Variants in CADPS observed in about 807,000 individuals in gnomAD.
The protein encoded by CADPS is calcium dependent secretion activator, also known as calcium-dependent secretion activator 1.
CADPS carries 57 observed loss-of-function variants against 167.3 expected under a neutral mutation model. The observed-to-expected ratio is 0.34, with a 90% CI of 0.28 to 0.42. CADPS has a LOEUF of 0.42. Ranked by LOEUF, CADPS falls within the 20% of genes least tolerant of loss-of-function variation. The pLI is 1.00. For synonymous variants in CADPS, 676 were observed against 635.3 expected (o/e 1.06, Z -0.96); for missense variants, 1,414 against 1,738.1 (o/e 0.81, Z 3.32).
chr3:62,616,702 G>C (rs1212359789), intron 6 of CADPS, among the ~76,000 whole-genome samples: 1 of 152,050 alleles, frequency 6.6e-6, no homozygotes, highest in Non-Finnish European at 1.5e-5. Context: ...TGTACATATA[G>C]CATATGGTAT....
intron 6 of CADPS, among the ~76,000 whole-genome samples, chr3:62,611,672 T>G (rs2061519516): frequency 6.6e-6 from 1 of 152,200 alleles, no homozygotes; most frequent in Non-Finnish European, 1.5e-5. Context: ...TACATCAATC[T>G]GTTATAGCTG....
At chr3:62,411,513 G>A (rs944954008) in intron 28 of CADPS, among the ~76,000 whole-genome samples, 2 of 152,104 alleles carry the variant, frequency 1.3e-5, no homozygotes, top group Non-Finnish European at 2.9e-5. Flanking sequence ...TTTTATGTTT[G>A]AAGCTTTCAA....
At chr3:62,757,866 A>G (rs1575949693) in intron 2 of CADPS, among the ~76,000 whole-genome samples, 1 of 152,346 alleles carries the variant, frequency 6.6e-6, no homozygotes. Context: ...AGCAGGCAAG[A>G]GAGCATGTGC....
chr3:62,535,617 T>G (rs1420412846), intron 12 of CADPS, among the ~76,000 whole-genome samples: 1 of 152,058 alleles, frequency 6.6e-6, no homozygotes, highest in Admixed American at 6.6e-5. Flanking sequence ...TTCATCATTT[T>G]CCCTCATCTT....
At position 62,438,341 on chromosome 3, in the gene CADPS, T is replaced by C; in HGVS notation, c.3670-130A>G. ...TTCTGCTGGATCAGCTTTGTAGGCA[T>C]GGGATTGCTGTCCACAGCCTGGGCT... On this transcript the variant is annotated intron_variant, in intron 27 of 29. Transcript: ENST00000383710. The surrounding 1 kb of genome is among the most constrained non-coding windows in gnomAD (Gnocchi z 4.7). The C allele has an allele frequency of 1.5e-6, 1 of 654,056 alleles. No individual in the cohort carries two copies. The highest frequency in any genetic ancestry group is 2.8e-5 in the East Asian group (1 of 35,748). The allele number at this position is 654,056 out of a possible 1,614,324, so 40.5% of individuals were successfully genotyped here.
intron 9 of CADPS, among the ~76,000 whole-genome samples, chr3:62,569,405 G>A (rs1410853575): frequency 1.3e-5 from 2 of 152,190 alleles, no homozygotes; most frequent in African/African-American, 2.4e-5. Flanking sequence ...CTGGGCAGCC[G>A]TGGGTTATTC....
In CADPS at chr3:62,399,527, G is replaced by A; in HGVS notation, c.3941C>T (p.Thr1314Ile). ...GAGACGGTTCCGGATCGTTTCATAG[G>A]TCTTGCTGTTTAAGGTGGAGTCCAG... ...GVLDSTLNSK[T>I]YETIRNRLTV... The change falls in exon 30 of 30, where the codon ACC (threonine) becomes ATC (isoleucine). Residue 1314 changes from threonine to isoleucine, a missense_variant. Around this residue, in one of 6 missense-constraint regions of CADPS, gnomAD observed 185 missense variants for 251.5 expected, o/e 0.74. Coordinates refer to ENST00000383710, the MANE Select transcript of CADPS (RefSeq NM_003716.4). This position sits in a 1 kb window ranked among gnomAD's most constrained non-coding sequence, Gnocchi z 5.6. 2.0e-5 allele frequency: 33 copies of A among 1,614,120 alleles called. No individual in the cohort carries two copies. Among genetic ancestry groups the A allele is most frequent in the Non-Finnish European group, 2.8e-5 (33 of 1,179,982 alleles).
At chr3:62,625,204 A>G (rs1214577402) in intron 6 of CADPS, 2 of 150,332 alleles carry the variant, frequency 1.3e-5, no homozygotes, top group South Asian at 2.1e-4. Context: ...AAGACTACAC[A>G]CATTAAAAAA....
At chr3:62,706,592 G>T (rs1384619121) in intron 3 of CADPS, among the ~76,000 whole-genome samples, 1 of 152,062 alleles carries the variant, frequency 6.6e-6, no homozygotes, top group East Asian at 1.9e-4. Context: ...AGGCCACAAG[G>T]GAGAGTCTGT....
At chr3:62,678,580 C>T (rs897435986) in intron 3 of CADPS, among the ~76,000 whole-genome samples, 16 of 152,138 alleles carry the variant, frequency 1.1e-4, no homozygotes, top group Admixed American at 9.8e-4. Context: ...AGAAGAACAT[C>T]TTAAGCCAGT....
At chr3:62,802,925 C>T (rs907886026) in intron 1 of CADPS, among the ~76,000 whole-genome samples, 1 of 152,110 alleles carries the variant, frequency 6.6e-6, no homozygotes, top group Non-Finnish European at 1.5e-5. Context: ...TCCAGCAATA[C>T]GTCCACACTG....
At chr3:62,859,995 A>G (rs899245381) in intron 1 of CADPS, among the ~76,000 whole-genome samples, 1 of 152,148 alleles carries the variant, frequency 6.6e-6, no homozygotes, top group Non-Finnish European at 1.5e-5. Flanking sequence ...ATCATTTTCA[A>G]AGGCTCCCCA....
At chr3:62,690,562 C>A (rs2078916114) in intron 3 of CADPS, among the ~76,000 whole-genome samples, 1 of 151,772 alleles carries the variant, frequency 6.6e-6, no homozygotes, top group South Asian at 2.1e-4. Flanking sequence ...AAAAGAGAAC[C>A]CGGACTGTCC....
chr3:62,861,407 T>TA (rs2080780256), intron 1 of CADPS, among the ~76,000 whole-genome samples: 1 of 152,154 alleles, frequency 6.6e-6, no homozygotes, highest in Non-Finnish European at 1.5e-5. Context: ...GTTACTCTAA[T>TA]AAAATGAAGA....
Position 62,544,437 on chromosome 3 carries a change from C to CAACA in CADPS, c.1966+5462_1966+5465dup, listed in dbSNP as rs1561924644. 6.6e-6 allele frequency among the ~76,000 whole-genome samples: 1 copy of CAACA among 152,018 alleles called. No homozygotes were observed. Among genetic ancestry groups the CAACA allele is most frequent in the Non-Finnish European group, 1.5e-5 (1 of 67,994 alleles). ...AATGGGAAAGGAAAAACAACAACAA[C>CAACA]AACAACAACAACAGCACATTATCAG... On this transcript the variant is annotated intron_variant, in intron 11 of 29. Transcript: ENST00000383710. The surrounding 1 kb of genome is among the most constrained non-coding windows in gnomAD (Gnocchi z 4.4).
chr3:62,644,795 G>A (rs985389102), intron 6 of CADPS, among the ~76,000 whole-genome samples: 10 of 152,146 alleles, frequency 6.6e-5, no homozygotes, highest in African/African-American at 2.2e-4. Context: ...ATGTCCTAAG[G>A]AAGGCCTATT....
intron 9 of CADPS, among the ~76,000 whole-genome samples, chr3:62,569,958 A>C (rs1393049693): frequency 6.6e-6 from 1 of 152,198 alleles, no homozygotes; most frequent in East Asian, 1.9e-4. Flanking sequence ...CTATTTCTGG[A>C]AAAAAATTTA....
intron 3 of CADPS, among the ~76,000 whole-genome samples, chr3:62,741,989 G>T (rs1299403048): frequency 1.3e-5 from 2 of 152,002 alleles, no homozygotes; most frequent in African/African-American, 4.8e-5. Flanking sequence ...CAACAGTGAA[G>T]GTGACAGCCA....
chr3:62,640,157 C>CA, intron 6 of CADPS, among the ~76,000 whole-genome samples: 1 of 152,262 alleles, frequency 6.6e-6, no homozygotes, highest in South Asian at 2.1e-4. Context: ...AGTATCTACC[C>CA]TTTCATATCA....
Sources: allele counts gnomAD v4.1 joint callset (sites outside exome capture counted in the v4.1 genomes callset), GRCh38; gene constraint gnomAD v4.1.1; regional missense constraint gnomAD v4.1.1; non-coding constraint Gnocchi (gnomAD v3.1); transcripts MANE v1.5; gene names NCBI Gene and HGNC (gene_info 2026-07-23, HGNC 2026-07-21).